The following RAB27B variants were observed in gnomAD, a reference collection of about 807,000 sequenced individuals.
The protein encoded by RAB27B is RAB27B, member RAS oncogene family.
RAB27B carries 15 observed loss-of-function variants against 24.6 expected under a neutral mutation model. The ratio of observed to expected loss-of-function variants is 0.61; its 90% confidence interval spans 0.41 to 0.94. RAB27B has a LOEUF of 0.94. Ranked by LOEUF, RAB27B falls within the 40% of genes least tolerant of loss-of-function variation. The probability of loss-of-function intolerance (pLI) is 0.00; values close to 1 mark genes in which losing one functional copy is unlikely to be tolerated. For missense variants in RAB27B, 261 were observed against 266.8 expected (o/e 0.98, Z 0.15); for synonymous variants, 105 against 92.5 (o/e 1.14, Z -0.78).
chr18:54,774,779 C>T (rs1318412010), intron 2 of RAB27B, among the ~76,000 whole-genome samples: 4 of 152,130 alleles, frequency 2.6e-5, no homozygotes. Flanking sequence ...TTTTCTTGGT[C>T]ATTCTCTATC....
chr18:54,862,211 G>A (rs764934862), intron 1 of RAB27B, among the ~76,000 whole-genome samples: 11 of 152,112 alleles, frequency 7.2e-5, no homozygotes, highest in African/African-American at 1.4e-4. Flanking sequence ...ACATCTCAGC[G>A]CATCTGTTTT....
At chr18:54,845,722 A>G (rs1911310186) in intron 1 of RAB27B, among the ~76,000 whole-genome samples, 1 of 152,014 alleles carries the variant, frequency 6.6e-6, no homozygotes, top group Non-Finnish European at 1.5e-5. Flanking sequence ...ACAGAACAGA[A>G]CCCTCCTTTC....
At chr18:54,800,873 C>G (rs1909578485) in intron 2 of RAB27B, among the ~76,000 whole-genome samples, 1 of 152,072 alleles carries the variant, frequency 6.6e-6, no homozygotes, top group Non-Finnish European at 1.5e-5. Flanking sequence ...CTGTTATTAT[C>G]AGCTCATATA....
chr18:54,802,184 T>C (rs192790301), intron 2 of RAB27B, among the ~76,000 whole-genome samples: 70 of 152,362 alleles, frequency 4.6e-4, no homozygotes, highest in South Asian at 2.5e-3. Flanking sequence ...AATACAATCT[T>C]TGCAATATTT....
chr18:54,734,244 A>C (rs374072562), intron 2 of RAB27B, among the ~76,000 whole-genome samples: 2 of 152,100 alleles, frequency 1.3e-5, no homozygotes, highest in South Asian at 4.1e-4. Context: ...GACTGAAAGG[A>C]GCCTAGGAGA....
At chr18:54,774,430 G>C (rs1476933606) in intron 2 of RAB27B, among the ~76,000 whole-genome samples, 1 of 152,138 alleles carries the variant, frequency 6.6e-6, no homozygotes, top group African/African-American at 2.4e-5. Flanking sequence ...TAGAGATAAA[G>C]TAACTGACTC....
chr18:54,801,776 A>G (rs1355615572), intron 2 of RAB27B, among the ~76,000 whole-genome samples: 1 of 152,208 alleles, frequency 6.6e-6, no homozygotes, highest in East Asian at 1.9e-4. Flanking sequence ...TGTGAGAACC[A>G]CTGCCTTAAG....
At position 54,810,980 on chromosome 18, in the gene RAB27B, C is replaced by T. The variant is rs1017984963; in HGVS notation, c.-19-66587C>T. Among the ~76,000 whole-genome samples the T allele has an allele frequency of 2.6e-5, 4 of 151,994 alleles. 1 individual carries two copies. Among genetic ancestry groups the T allele is most frequent in the Non-Finnish European group, 5.9e-5 (4 of 67,998 alleles). On this transcript the variant is annotated intron_variant, in intron 2 of 4. Transcript: ENST00000586570. Reference sequence around the variant, plus strand: ...TTCTGTTGTTAAATTATCTTTGTATCGTCAGCATCTAGTCCATTATTATTG... The same window carrying T: ...TTCTGTTGTTAAATTATCTTTGTATTGTCAGCATCTAGTCCATTATTATTG...
upstream of RAB27B, among the ~76,000 whole-genome samples, chr18:54,826,975 G>T (rs1404626356): frequency 6.6e-6 from 1 of 152,228 alleles, no homozygotes; most frequent in Non-Finnish European, 1.5e-5. Context: ...GGTTATCATT[G>T]TATAGCACAG....
intron 3 of RAB27B, among the ~76,000 whole-genome samples, chr18:54,882,505 C>T (rs371073518): frequency 6.6e-5 from 10 of 152,162 alleles, no homozygotes; most frequent in African/African-American, 2.2e-4. Flanking sequence ...CCAGGAGGAG[C>T]GCATAGCCCA....
intron 2 of RAB27B, among the ~76,000 whole-genome samples, chr18:54,747,807 A>G (rs1047070466): frequency 1.3e-5 from 2 of 152,124 alleles, no homozygotes; most frequent in African/African-American, 4.8e-5. Context: ...GTGCATAAAG[A>G]CTTTATTAAA....
At chr18:54,774,569 G>A (rs1231386873) in intron 2 of RAB27B, among the ~76,000 whole-genome samples, 2 of 152,132 alleles carry the variant, frequency 1.3e-5, no homozygotes, top group African/African-American at 4.8e-5. Flanking sequence ...ATTAAAAACT[G>A]GCAGTAAAAA....
chr18:54,873,685 CTGTGTGTG>C (rs56409312), intron 1 of RAB27B, among the ~76,000 whole-genome samples: 14,516 of 140,766 alleles, frequency 0.1, 800 homozygotes, highest in East Asian at 0.19. Flanking sequence ...GAGCCAAATC[CTGTGTGTG>C]TGTGTGTGTG....
chr18:54,853,604 G>A (rs1911669459), intron 1 of RAB27B, among the ~76,000 whole-genome samples: 1 of 152,166 alleles, frequency 6.6e-6, no homozygotes, highest in South Asian at 2.1e-4. Flanking sequence ...TAACTACTTA[G>A]TGTTTTGCTA....
At chr18:54,758,531 G>A (rs1908076838) in intron 2 of RAB27B, among the ~76,000 whole-genome samples, 1 of 151,716 alleles carries the variant, frequency 6.6e-6, no homozygotes, top group African/African-American at 2.4e-5. Flanking sequence ...GAGAAATCAG[G>A]AAAGACTTCA....
At chr18:54,808,560 A>G (rs1399887062) in intron 2 of RAB27B, among the ~76,000 whole-genome samples, 2 of 152,250 alleles carry the variant, frequency 1.3e-5, no homozygotes, top group African/African-American at 4.8e-5. Context: ...TAAAGATGAC[A>G]TGTGTCAACT....
intron 1 of RAB27B, among the ~76,000 whole-genome samples, chr18:54,864,506 CTTTT>C (rs1223528471): frequency 6.8e-6 from 1 of 146,686 alleles, no homozygotes. Context: ...ATTTTTTTTT[CTTTT>C]TTTGAGTCTA....
intron 2 of RAB27B, among the ~76,000 whole-genome samples, chr18:54,804,820 T>C (rs916125160): frequency 5.3e-5 from 8 of 152,140 alleles, no homozygotes; most frequent in African/African-American, 1.9e-4. Context: ...ACTCTTTTTA[T>C]ATATCTTTGA....
At chr18:54,729,373 G>C (rs1311149602) in intron 2 of RAB27B, among the ~76,000 whole-genome samples, 3 of 152,158 alleles carry the variant, frequency 2.0e-5, no homozygotes, top group Admixed American at 1.3e-4. Flanking sequence ...AAAAAGGCCG[G>C]AAGGAAGATA....
Sources: gnomAD v4.1 joint callset for allele counts (sites outside exome capture counted in the v4.1 genomes callset) on GRCh38, gnomAD v4.1.1 for gene constraint, MANE v1.5 for transcripts, NCBI Gene and HGNC (gene_info 2026-07-23, HGNC 2026-07-21) for gene names.